Variants in LMO2 observed in about 807,000 individuals in gnomAD.
LMO2 encodes the protein rhombotin-2.
In LMO2, 20 loss-of-function variants were observed where a neutral mutation model predicts 23.2. The observed-to-expected ratio is 0.86, with a 90% CI of 0.61 to 1.25. LMO2 has a LOEUF of 1.25. LMO2 is among the 50% of genes most tolerant of loss of function. The pLI, the probability that LMO2 is intolerant of heterozygous loss-of-function variation, is 0.00. For synonymous variants in LMO2, 123 were observed against 130.2 expected (o/e 0.94, Z 0.38); for missense variants, 270 against 315.3 (o/e 0.86, Z 1.09).
At chr11:33,884,089 G>A (rs1047827699) in intron 1 of LMO2, among the ~76,000 whole-genome samples, 3 of 152,104 alleles carry the variant, frequency 2.0e-5, no homozygotes, top group Non-Finnish European at 2.9e-5. Context: ...CACCTGACCC[G>A]GTGATCACAG....
intron 2 of LMO2, among the ~76,000 whole-genome samples, chr11:33,875,831 C>G (rs969753810): frequency 4.6e-5 from 7 of 152,238 alleles, no homozygotes; most frequent in Non-Finnish European, 1.0e-4. Context: ...CCTGTCTCCT[C>G]TCTGTAGCTA....
At position 33,870,711 on chromosome 11, in the gene LMO2, C is replaced by G. The variant is rs1856996356; in HGVS notation, c.-271-724G>C. On this transcript the variant is annotated intron_variant, in intron 2 of 5. Transcript: ENST00000257818. ...AAAGCGGACTCCTGCGGTTAAACTG[C>G]CCCCCATGTAAAGTGCCAGTAGTAT... 2.0e-5 allele frequency among the ~76,000 whole-genome samples: 3 copies of G among 152,178 alleles called. No individual in the cohort carries two copies. The South Asian group carries it at 6.2e-4, about 32-fold the overall frequency.
intron 4 of LMO2, among the ~76,000 whole-genome samples, chr11:33,866,652 T>G (rs1039088868): frequency 6.6e-6 from 1 of 152,138 alleles, no homozygotes; most frequent in Non-Finnish European, 1.5e-5. Context: ...AGTTTTTTGT[T>G]TGTTTGTTTT....
At chr11:33,869,131 G>A (rs1856899516) in intron 4 of LMO2, among the ~76,000 whole-genome samples, 1 of 152,132 alleles carries the variant, frequency 6.6e-6, no homozygotes, top group Non-Finnish European at 1.5e-5. Context: ...GCGCCGGGCC[G>A]ACCCCTGTCC....
At chr11:33,876,403 T>C (rs1857139488) in intron 2 of LMO2, among the ~76,000 whole-genome samples, 1 of 152,180 alleles carries the variant, frequency 6.6e-6, no homozygotes, top group South Asian at 2.1e-4. Flanking sequence ...TGGCTGGCCC[T>C]CAATAAATAT....
At chr11:33,885,358 G>A (rs1857381008) in intron 1 of LMO2, among the ~76,000 whole-genome samples, 1 of 152,154 alleles carries the variant, frequency 6.6e-6, no homozygotes, top group African/African-American at 2.4e-5. Flanking sequence ...CATGAGCCGG[G>A]GACCAGACTG....
At chr11:33,870,292 C>A (rs1446779035) in intron 2 of LMO2, 5 of 921,930 alleles carry the variant, frequency 5.4e-6, no homozygotes, top group Non-Finnish European at 2.6e-6. Context: ...GAAAGTAACC[C>A]ACGAACAGCT....
At chr11:33,876,136 G>T (rs966710794) in intron 2 of LMO2, among the ~76,000 whole-genome samples, 2 of 152,094 alleles carry the variant, frequency 1.3e-5, no homozygotes, top group Non-Finnish European at 2.9e-5. Flanking sequence ...CTTCATTCAG[G>T]TCTCTGTTCA....
chr11:33,883,612 T>A (rs762995437), intron 1 of LMO2, among the ~76,000 whole-genome samples: 20 of 152,192 alleles, frequency 1.3e-4, no homozygotes, highest in South Asian at 2.1e-4. Context: ...GACATCAGCA[T>A]GGAAGGCTTT....
At chr11:33,859,677 G>T in intron 5 of LMO2, 102 bp from the exon 6 acceptor site, 2 of 1,049,596 alleles carry the variant, frequency 1.9e-6, no homozygotes, top group Non-Finnish European at 2.8e-6. Flanking sequence ...CTTTCAGGAT[G>T]TCAGGAAGCC....
intron 1 of LMO2, among the ~76,000 whole-genome samples, chr11:33,891,389 A>ACG (rs60644494): frequency 7.7e-5 from 3 of 39,050 alleles, no homozygotes; most frequent in African/African-American, 2.9e-4. Context: ...ACACACACAC[A>ACG]TGCACACACA....
intron 1 of LMO2, among the ~76,000 whole-genome samples, chr11:33,884,538 C>T (rs1857360883): frequency 6.6e-6 from 1 of 152,154 alleles, no homozygotes; most frequent in South Asian, 2.1e-4. Flanking sequence ...ACATTTGGTT[C>T]ACCATCCAAA....
At chr11:33,878,908 T>C (rs550477126) in intron 2 of LMO2, among the ~76,000 whole-genome samples, 41 of 152,326 alleles carry the variant, frequency 2.7e-4, no homozygotes, top group African/African-American at 8.9e-4. Flanking sequence ...GATATGGAGA[T>C]ACTTAATCAT....
chr11:33,891,494 C>T (rs1187656116), intron 1 of LMO2, among the ~76,000 whole-genome samples: 1 of 152,026 alleles, frequency 6.6e-6, no homozygotes, highest in Non-Finnish European at 1.5e-5. Flanking sequence ...TGTACAGGAA[C>T]AAATTAGATG....
chr11:33,874,091 A>G (rs1043672381), intron 2 of LMO2, among the ~76,000 whole-genome samples: 1 of 152,198 alleles, frequency 6.6e-6, no homozygotes, highest in Non-Finnish European at 1.5e-5. Context: ...ACAAAAATAA[A>G]GACCTGTCTT....
intron 5 of LMO2, among the ~76,000 whole-genome samples, chr11:33,860,753 G>A (rs957695097): frequency 9.9e-5 from 15 of 152,122 alleles, no homozygotes; most frequent in African/African-American, 3.6e-4. Flanking sequence ...CTGGGCCACA[G>A]AGCCATACCT....
At chr11:33,889,033 G>A (rs764422290) in intron 1 of LMO2, among the ~76,000 whole-genome samples, 4 of 152,184 alleles carry the variant, frequency 2.6e-5, no homozygotes, top group South Asian at 2.1e-4. Flanking sequence ...GAATACCCTC[G>A]AGGAGTCTTG....
intron 1 of LMO2, among the ~76,000 whole-genome samples, chr11:33,883,284 G>A (rs988005664): frequency 6.6e-6 from 1 of 152,220 alleles, no homozygotes; most frequent in South Asian, 2.1e-4. Context: ...AGAATTGTGA[G>A]TCTGGACCCA....
At chr11:33,862,395 C>G (rs568387462) in intron 5 of LMO2, among the ~76,000 whole-genome samples, 1 of 152,218 alleles carries the variant, frequency 6.6e-6, no homozygotes, top group Non-Finnish European at 1.5e-5. Flanking sequence ...CACCCCACCA[C>G]TCCCAGCACA....
Sources: allele counts gnomAD v4.1 joint callset (sites outside exome capture counted in the v4.1 genomes callset), GRCh38; gene constraint gnomAD v4.1.1; transcripts MANE v1.5; gene names NCBI Gene and HGNC (gene_info 2026-07-23, HGNC 2026-07-21).